TTC28: variants seen among roughly 807,000 people sequenced by gnomAD.
TTC28 encodes the protein tetratricopeptide repeat protein 28.
A neutral mutation model predicts 198.0 loss-of-function variants in TTC28; 61 were observed. The ratio of observed to expected loss-of-function variants is 0.31; its 90% CI spans 0.25 to 0.38. The LOEUF (loss-of-function observed/expected upper bound fraction) is 0.38. Among genes scored for constraint, TTC28 ranks in the 10% least tolerant of loss-of-function variants. The pLI, the probability that TTC28 is intolerant of heterozygous loss-of-function variation, is 1.00. For synonymous variants in TTC28, 1,171 were observed against 1,297.8 expected (o/e 0.90, Z 2.10); for missense variants, 2,678 against 3,164.0 (o/e 0.85, Z 3.69).
chr22:28,150,931 G>C (rs1292459424), intron 6 of TTC28, among the ~76,000 whole-genome samples: 1 of 152,182 alleles, frequency 6.6e-6, no homozygotes, highest in Non-Finnish European at 1.5e-5. Context: ...AAACAAAATT[G>C]TGTTCAGAAA....
At chr22:28,571,958 A>C (rs1017480929) in intron 2 of TTC28, among the ~76,000 whole-genome samples, 3 of 151,632 alleles carry the variant, frequency 2.0e-5, no homozygotes, top group Non-Finnish European at 4.4e-5. Flanking sequence ...TCAAAAAAAA[A>C]AAAAAAAAAA....
chr22:28,350,958 G>A (rs1416975591), intron 2 of TTC28, among the ~76,000 whole-genome samples: 5 of 152,080 alleles, frequency 3.3e-5, no homozygotes, highest in African/African-American at 4.8e-5. Flanking sequence ...TGAGGCAGGC[G>A]GATCACAAGG....
chr22:28,106,420 T>C (rs2146896903), intron 7 of TTC28, among the ~76,000 whole-genome samples: 1 of 152,292 alleles, frequency 6.6e-6, no homozygotes, highest in African/African-American at 2.4e-5. Context: ...ACCAGTTGTG[T>C]GGGGCACATG....
chr22:28,416,545 C>CTTGTTG (rs531387414), intron 2 of TTC28, among the ~76,000 whole-genome samples: 2 of 152,048 alleles, frequency 1.3e-5, no homozygotes, highest in African/African-American at 2.4e-5. Flanking sequence ...TAAAATGGAA[C>CTTGTTG]TTGTTGTTGT....
intron 12 of TTC28, among the ~76,000 whole-genome samples, chr22:28,032,202 TAA>T (rs1428858486): frequency 9.0e-6 from 1 of 111,668 alleles, no homozygotes; most frequent in Non-Finnish European, 1.9e-5. Context: ...TATATATATA[TAA>T]AATATATATA....
intron 2 of TTC28, among the ~76,000 whole-genome samples, chr22:28,416,756 A>G (rs890280873): frequency 3.9e-5 from 6 of 152,222 alleles, no homozygotes; most frequent in Admixed American, 3.9e-4. Context: ...GCTCGATGAC[A>G]TAGTAACATA....
intron 2 of TTC28, among the ~76,000 whole-genome samples, chr22:28,386,603 T>A (rs749146292): frequency 4.6e-5 from 7 of 152,162 alleles, no homozygotes; most frequent in Non-Finnish European, 8.8e-5. Flanking sequence ...CACAGGTATT[T>A]CTTTCTATAC....
chr22:28,020,566 C>A (rs879457234), intron 13 of TTC28, among the ~76,000 whole-genome samples: 2 of 152,168 alleles, frequency 1.3e-5, no homozygotes, highest in East Asian at 3.9e-4. Context: ...GCTCATGAAT[C>A]TTCCCTTCAG....
At chr22:28,404,811 T>C (rs778943367) in intron 2 of TTC28, among the ~76,000 whole-genome samples, 1 of 152,318 alleles carries the variant, frequency 6.6e-6, no homozygotes, top group Non-Finnish European at 1.5e-5. Context: ...AGGATGATAA[T>C]GATCACCACC....
intron 2 of TTC28, among the ~76,000 whole-genome samples, chr22:28,443,821 C>T (rs1409505863): frequency 6.6e-6 from 1 of 152,068 alleles, no homozygotes; most frequent in African/African-American, 2.4e-5. Context: ...CCAAAAACAC[C>T]TAAGCGGTCA....
chr22:28,040,281 C>CA (rs1939565416), intron 12 of TTC28, among the ~76,000 whole-genome samples: 1 of 152,022 alleles, frequency 6.6e-6, no homozygotes, highest in East Asian at 1.9e-4. Flanking sequence ...AGAGACACAA[C>CA]AAAAAAAGAG....
intron 5 of TTC28, among the ~76,000 whole-genome samples, chr22:28,189,742 T>C (rs1265769287): frequency 6.6e-6 from 1 of 152,212 alleles, no homozygotes; most frequent in Admixed American, 6.5e-5. Flanking sequence ...TCTAGAATTC[T>C]ATTCCTAGCC....
chr22:28,236,690 C>T (rs1021572937), intron 5 of TTC28, among the ~76,000 whole-genome samples: 1 of 152,178 alleles, frequency 6.6e-6, no homozygotes, highest in Non-Finnish European at 1.5e-5. Context: ...GCTTCCTAAG[C>T]ATGCTGGAGA....
At chr22:28,671,107 AT>A (rs940039796) in intron 1 of TTC28, among the ~76,000 whole-genome samples, 5 of 151,374 alleles carry the variant, frequency 3.3e-5, no homozygotes, top group African/African-American at 4.9e-5. Flanking sequence ...ACGGGCTAAC[AT>A]TTTTTTCTAT....
chr22:28,672,974 T>C (rs1431717269), intron 1 of TTC28, among the ~76,000 whole-genome samples: 1 of 152,180 alleles, frequency 6.6e-6, no homozygotes. Context: ...AAATAATTGA[T>C]TGTAATGAGG....
At chr22:28,146,801 T>C (rs1449934732) in intron 6 of TTC28, among the ~76,000 whole-genome samples, 1 of 152,010 alleles carries the variant, frequency 6.6e-6, no homozygotes, top group African/African-American at 2.4e-5. Flanking sequence ...AGAACACAAA[T>C]CCATTACTTT....
At chr22:28,420,277 G>T (rs1235722942) in intron 2 of TTC28, among the ~76,000 whole-genome samples, 1 of 152,074 alleles carries the variant, frequency 6.6e-6, no homozygotes, top group Non-Finnish European at 1.5e-5. Flanking sequence ...TAGGGCTGCA[G>T]TAAAAAAAGA....
chr22:28,103,312 G>A (rs2146887647), intron 8 of TTC28, among the ~76,000 whole-genome samples: 1 of 152,292 alleles, frequency 6.6e-6, no homozygotes, highest in Middle Eastern at 3.4e-3. Flanking sequence ...GAAGGGCTGG[G>A]TGAGACCAGT....
rs567744319 is a variant in TTC28 at position 28,328,017 on chromosome 22, A to C, written c.382-21374T>G. On this transcript the variant is annotated intron_variant, in intron 2 of 22. Transcript: ENST00000397906. ...TCCCTTGTCTACCTTAAAGCTCAAT[A>C]TCTAGTGCAAGAGACAGGGAGTAAA... is the stretch of plus-strand genomic sequence containing the variant. Among the ~76,000 whole-genome samples, 5 of 152,364 alleles carry C rather than the reference A, an allele frequency of 3.3e-5. No individual in the cohort carries two copies. The East Asian group carries it at 7.7e-4, about 23-fold the overall frequency.
Sources: allele counts gnomAD v4.1 joint callset (sites outside exome capture counted in the v4.1 genomes callset), GRCh38; gene constraint gnomAD v4.1.1; transcripts MANE v1.5; gene names NCBI Gene and HGNC (gene_info 2026-07-23, HGNC 2026-07-21).